STMN1: variants seen among roughly 807,000 people sequenced by gnomAD.
STMN1 encodes stathmin 1, also known as stathmin.
In STMN1, 3 loss-of-function variants were observed where a neutral mutation model predicts 19.7. The observed-to-expected ratio is 0.15, with a 90% CI of 0.07 to 0.39. The LOEUF (loss-of-function observed/expected upper bound fraction) is 0.39, where lower values mean the gene tolerates loss of function less well. STMN1 is among the 10% of genes least tolerant of loss of function. The pLI is 1.00. For missense variants in STMN1, 99 were observed against 176.0 expected (o/e 0.56, Z 2.48); for synonymous variants, 59 against 58.9 (o/e 1.00, Z -0.01).
intron 1 of STMN1, chr1:25,905,060 G>T: frequency 4.8e-6 from 1 of 207,806 alleles, no homozygotes; most frequent in Non-Finnish European, 9.7e-6. Context: ...GAAACTGTAA[G>T]AAGATATTCC....
At chr1:25,898,024 A>G (rs1185100872), downstream of STMN1, among the ~76,000 whole-genome samples, 1 of 152,150 alleles carries the variant, frequency 6.6e-6, no homozygotes, top group East Asian at 1.9e-4. Flanking sequence ...TGGCCACCGT[A>G]GCCTGAACGG....
chr1:25,888,800 A>G (rs1420918417), intron 4 of STMN1, among the ~76,000 whole-genome samples: 5 of 152,178 alleles, frequency 3.3e-5, no homozygotes, highest in Admixed American at 3.3e-4. Context: ...TGATCACAAG[A>G]TGGCTGCTGT....
chr1:25,905,286 A>C (rs1274204198), intron 1 of STMN1: 1 of 152,184 alleles, frequency 6.6e-6, no homozygotes, highest in African/African-American at 2.4e-5. Context: ...CTAGATTTTG[A>C]CTTATATTTG....
rs889257905 is a variant in STMN1 at position 25,889,159 on chromosome 1, A to G, written c.379-3290T>C. The G allele has an allele frequency of 1.6e-4, 57 of 357,336 alleles. No individual in the cohort carries two copies. The Admixed American group carries it at 1.6e-3, about 10-fold the overall frequency. The allele number at this position is 357,336 out of a possible 1,614,324, so 22.1% of individuals were successfully genotyped here. A position where few individuals can be genotyped will look rare whatever the true frequency, so the allele number is the denominator to read the frequency against. ...ACATTTATGCTGTCTGAAGGTCACA[A>G]TCACATTACCATATCAAGCTGAAAA... On this transcript the variant is annotated intron_variant, in intron 4 of 4. Coordinates refer to the STMN1 transcript ENST00000426559.
chr1:25,896,605 C>T (rs1241505656), downstream of STMN1, among the ~76,000 whole-genome samples: 1 of 152,226 alleles, frequency 6.6e-6, no homozygotes, highest in East Asian at 1.9e-4. Flanking sequence ...ACGATGGAAG[C>T]AGGCCAGGCC....
At chr1:25,901,213 G>A in intron 4 of STMN1, 126 bp from the exon 5 acceptor site, 2 of 1,476,340 alleles carry the variant, frequency 1.4e-6, no homozygotes, top group South Asian at 1.3e-5. Context: ...ATTACAGCCT[G>A]TGGGAACCAC....
chr1:25,904,745 A>G lies in STMN1; in HGVS notation c.-62-7T>C. ...AACTGGGATAAGGAAAGTCCTGAAA[A>G]TGATTTTCAAAAACATGCAATCACT... On this transcript the variant is annotated splice_region_variant and splice_polypyrimidine_tract_variant and intron_variant, in intron 1 of 4. Coordinates refer to ENST00000455785, the MANE Select transcript of STMN1 (RefSeq NM_005563.4). 6.3e-7 allele frequency: 1 copy of G among 1,592,344 alleles called. No homozygotes were observed.
chr1:25,889,837 C>G (rs12074469), intron 4 of STMN1, among the ~76,000 whole-genome samples: 1 of 152,184 alleles, frequency 6.6e-6, no homozygotes, highest in Non-Finnish European at 1.5e-5. Flanking sequence ...CCCTTGCCCA[C>G]CTCATCCAGC....
At chr1:25,888,735 G>A (rs187747639) in intron 4 of STMN1, among the ~76,000 whole-genome samples, 26 of 152,220 alleles carry the variant, frequency 1.7e-4, no homozygotes, top group Admixed American at 1.7e-3. Context: ...ATATTATCAA[G>A]GACCCACGAT....
chr1:25,885,126 T>C (rs1245340980), downstream of STMN1: 1 of 153,678 alleles, frequency 6.5e-6, no homozygotes, highest in African/African-American at 2.4e-5. Flanking sequence ...CCAGTGTGGT[T>C]GTAGTTGGCA....
At chr1:25,899,292 A>G (rs1366413414), downstream of STMN1, among the ~76,000 whole-genome samples, 1 of 111,636 alleles carries the variant, frequency 9.0e-6, no homozygotes, top group African/African-American at 3.2e-5. Flanking sequence ...TTCTACCCTC[A>G]GGCCCTCTTT....
intron 2 of STMN1, among the ~76,000 whole-genome samples, chr1:25,904,330 AAAAAT>A (rs1235301944): frequency 1.3e-5 from 2 of 152,214 alleles, no homozygotes; most frequent in Admixed American, 6.5e-5. Flanking sequence ...CTGTCTCAAA[AAAAAT>A]AAAAACCATC....
intron 4 of STMN1, chr1:25,887,297 AG>A (rs1180514596): frequency 6.0e-6 from 1 of 166,114 alleles, no homozygotes; most frequent in Non-Finnish European, 1.3e-5. Flanking sequence ...AATGACAAAA[AG>A]GGGTACAGGA....
chr1:25,893,285 G>A (rs1017348635), intron 4 of STMN1, among the ~76,000 whole-genome samples: 1 of 152,186 alleles, frequency 6.6e-6, no homozygotes, highest in Non-Finnish European at 1.5e-5. Flanking sequence ...GTAAAAGTTT[G>A]TATGCTGGCA....
chr1:25,898,016 GC>G (rs2048834441), downstream of STMN1, among the ~76,000 whole-genome samples: 1 of 152,078 alleles, frequency 6.6e-6, no homozygotes, highest in Admixed American at 6.6e-5. Context: ...AGCCACCATG[GC>G]CACCGTAGCC....
intron 4 of STMN1, chr1:25,892,639 G>A: frequency 3.1e-6 from 3 of 981,322 alleles, no homozygotes; most frequent in Non-Finnish European, 1.2e-6. Flanking sequence ...CCTACACTGA[G>A]TCAGAAGGAA....
rs2048865860 is a variant in STMN1, at chr1:25,901,028, A to G, written c.438T>C (p.Thr146=). Residue 146 remains threonine (T), a synonymous_variant, in exon 5 of 5, where the codon ACT becomes ACC. Transcript: ENST00000455785. ...TTCTCAGAACAAATTAGTCAGCTTC[A>G]GTCTCGTCAGCAGGGTCTTTGGATT... The part of the protein sequence containing the change: ...NKESKDPADE[T]EAD 2.5e-6 allele frequency: 4 copies of G among 1,611,340 alleles called. No homozygotes were observed. Among genetic ancestry groups the G allele is most frequent in the Middle Eastern group, 1.6e-4 (1 of 6,072 alleles).
At chr1:25,903,848 G>T in intron 2 of STMN1, 35 bp from the exon 3 acceptor site, 1 of 1,565,792 alleles carries the variant, frequency 6.4e-7, no homozygotes. Context: ...CAGAAAACCA[G>T]GATTCTCCTG....
At position 25,903,743 on chromosome 1, in the gene STMN1, T is replaced by C. The variant is rs765208355; in HGVS notation, c.84A>G (p.Ser28=). The C allele has an allele frequency of 3.1e-6, 5 of 1,614,086 alleles. No homozygotes were observed. The South Asian group carries it at 4.4e-5, about 14-fold the overall frequency. The change falls in exon 3 of 5, where the codon TCA becomes TCG. Residue 28 remains serine, a synonymous_variant. Transcript: ENST00000455785. ...GGGGGAATTCTGGAACAGATTCTTT[T>C]GACCGAGGGCTGAGAATCAGCTCAA... is the stretch of plus-strand genomic sequence containing the variant. The part of the protein sequence containing the change: ...QAFELILSPR[S]KESVPEFPLS...
Sources: allele counts gnomAD v4.1 joint callset (sites outside exome capture counted in the v4.1 genomes callset), GRCh38; gene constraint gnomAD v4.1.1; transcripts MANE v1.5; gene names NCBI Gene and HGNC (gene_info 2026-07-23, HGNC 2026-07-21).